The following MAPDA variants were observed in gnomAD, a reference collection of about 807,000 sequenced individuals.
The protein encoded by MAPDA is N6-Methyl-AMP deaminase, also known as N6,N6-dimethyl-AMP deaminase.
At chr15:43,332,596 A>G in the MAPDA span, among the ~76,000 whole-genome samples, 2 of 152,192 alleles carry the variant, frequency 1.3e-5, no homozygotes, top group Non-Finnish European at 2.9e-5. Flanking sequence ...AGGAGGGGCC[A>G]TTGTTTAAAT....
the MAPDA span, chr15:43,347,020 G>C: frequency 2.3e-5 from 37 of 1,613,396 alleles, no homozygotes; most frequent in South Asian, 3.8e-4. Context: ...TTTAAGGTAG[G>C]ACAAGCAAAA....
the MAPDA span, chr15:43,346,075 T>C: frequency 3.3e-6 from 5 of 1,511,798 alleles, no homozygotes; most frequent in Non-Finnish European, 4.5e-6. Context: ...TTCTCCAGAG[T>C]GTCCAACAGA....
chr15:43,334,051 T>C, the MAPDA span, among the ~76,000 whole-genome samples: 1 of 152,240 alleles, frequency 6.6e-6, no homozygotes, highest in Admixed American at 6.5e-5. Flanking sequence ...AAGACAAGTA[T>C]ATCAGTGATT....
the MAPDA span, chr15:43,335,200 G>A: frequency 6.2e-7 from 1 of 1,606,212 alleles, no homozygotes; most frequent in Non-Finnish European, 8.5e-7. Flanking sequence ...AATCTTGAGT[G>A]GTTGCTAATT....
the MAPDA span, among the ~76,000 whole-genome samples, chr15:43,341,849 A>AT: frequency 4.0e-4 from 60 of 151,748 alleles, no homozygotes; most frequent in Non-Finnish European, 7.4e-5. Context: ...TTATTTATTT[A>AT]TTTTTTTTGA....
At chr15:43,330,576 A>C in the MAPDA span, 2 of 1,418,356 alleles carry the variant, frequency 1.4e-6, no homozygotes, top group Non-Finnish European at 1.9e-6. Context: ...CGGTAGGGGG[A>C]AAAAAACCAC....
the MAPDA span, among the ~76,000 whole-genome samples, chr15:43,342,257 A>G: frequency 6.6e-6 from 1 of 152,114 alleles, no homozygotes; most frequent in Non-Finnish European, 1.5e-5. Context: ...GAAAAAGAAA[A>G]AAAGGTATTT....
At chr15:43,349,487 A>C in the MAPDA span, 2 of 384,842 alleles carry the variant, frequency 5.2e-6, no homozygotes, top group African/African-American at 4.4e-5. Context: ...CTTTGTTGTC[A>C]TTGCTGTCGA....
the MAPDA span, chr15:43,340,423 G>A: frequency 1.5e-6 from 2 of 1,315,052 alleles, no homozygotes; most frequent in Non-Finnish European, 2.2e-6. Context: ...ATGTTTGTGA[G>A]TGGGAATATG....
the MAPDA span, chr15:43,351,858 C>G: frequency 6.4e-7 from 1 of 1,551,612 alleles, no homozygotes; most frequent in Non-Finnish European, 8.7e-7. Context: ...CTTATGAATC[C>G]ATCAACTACA....
the MAPDA span, chr15:43,346,971 T>C: frequency 2.7e-6 from 4 of 1,501,956 alleles, no homozygotes; most frequent in Non-Finnish European, 3.7e-6. Context: ...TTCCTCAGTT[T>C]TCCCAGAATT....
At chr15:43,345,507 G>C in the MAPDA span, among the ~76,000 whole-genome samples, 2 of 152,198 alleles carry the variant, frequency 1.3e-5, no homozygotes, top group Non-Finnish European at 2.9e-5. Context: ...GGAGAGGAAA[G>C]AGTGGTTGTA....
chr15:43,349,260 T>C, the MAPDA span: 1 of 1,269,932 alleles, frequency 7.9e-7, no homozygotes, highest in Non-Finnish European at 9.9e-7. Flanking sequence ...CTGCTTGTCT[T>C]ATTCGTTGTT....
chr15:43,353,993 A>G, the MAPDA span: 1 of 152,206 alleles, frequency 6.6e-6, no homozygotes, highest in Non-Finnish European at 1.5e-5. Context: ...AAGCACAGGT[A>G]AAACCACCTG....
At chr15:43,336,779 A>G in the MAPDA span, 3 of 1,027,728 alleles carry the variant, frequency 2.9e-6, no homozygotes, top group South Asian at 2.1e-5. Flanking sequence ...GCTCTCATTA[A>G]GAGTGATGAA....
At chr15:43,343,254 A>C in the MAPDA span, among the ~76,000 whole-genome samples, 2 of 152,224 alleles carry the variant, frequency 1.3e-5, no homozygotes, top group Non-Finnish European at 2.9e-5. Flanking sequence ...TTTATTCATA[A>C]GGCAATAAAA....
chr15:43,335,240 C>T, the MAPDA span: 4 of 1,554,224 alleles, frequency 2.6e-6, no homozygotes, highest in Non-Finnish European at 3.5e-6. Flanking sequence ...TTCTTTTCAT[C>T]AAAGTAAATT....
chr15:43,346,519 C>T, the MAPDA span, among the ~76,000 whole-genome samples: 1 of 152,244 alleles, frequency 6.6e-6, no homozygotes, highest in Non-Finnish European at 1.5e-5. Context: ...AAAATGTCTC[C>T]AGACATTGCC....
the MAPDA span, chr15:43,353,841 A>T: frequency 6.6e-6 from 1 of 152,302 alleles, no homozygotes. Flanking sequence ...GCCTTGCTCT[A>T]TCCATTTCTT....
Sources: allele counts gnomAD v4.1 joint callset (sites outside exome capture counted in the v4.1 genomes callset), GRCh38; gene constraint gnomAD v4.1.1; transcripts MANE v1.5; gene names NCBI Gene and HGNC (gene_info 2026-07-23, HGNC 2026-07-21).